The following SGCZ variants were observed in gnomAD, a reference collection of about 807,000 sequenced individuals.
SGCZ encodes zeta-sarcoglycan.
Under a neutral mutation model 41.3 loss-of-function variants are expected in SGCZ, and 40 were observed. The ratio of observed to expected loss-of-function variants is 0.97; its 90% CI spans 0.75 to 1.26. The LOEUF is 1.26. Ranked by LOEUF, SGCZ falls within the 50% of genes most tolerant of loss-of-function variation. The pLI is 0.00. For missense variants in SGCZ, 552 were observed against 369.8 expected (o/e 1.49, Z -4.04); for synonymous variants, 206 against 137.5 (o/e 1.50, Z -3.49).
intron 4 of SGCZ, among the ~76,000 whole-genome samples, chr8:14,204,408 G>A: frequency 6.6e-6 from 1 of 151,964 alleles, no homozygotes; most frequent in East Asian, 1.9e-4. Flanking sequence ...TATTTGAGCA[G>A]CTCAGGTCTA....
At chr8:14,619,989 C>G (rs1322960190) in intron 1 of SGCZ, among the ~76,000 whole-genome samples, 1 of 152,194 alleles carries the variant, frequency 6.6e-6, no homozygotes, top group South Asian at 2.1e-4. Flanking sequence ...CAAGACAATC[C>G]TAAGCCAAAA....
chr8:14,593,055 C>T lies in SGCZ; in HGVS notation c.40-38129G>A, dbSNP rs550416080. 2.0e-4 allele frequency among the ~76,000 whole-genome samples: 30 copies of T among 152,202 alleles called. No individual in the cohort carries two copies. The East Asian group carries it at 4.1e-3, about 21-fold the overall frequency. On this transcript the variant is annotated intron_variant, in intron 1 of 7. Coordinates refer to ENST00000382080, the MANE Select transcript of SGCZ (RefSeq NM_139167.4). ...TGTCAAATAATATCAACCACACCTGCCCTGGTGTGGTCAGGTGAATAATGC... is the reference window on the plus strand; with the variant it reads ...TGTCAAATAATATCAACCACACCTGTCCTGGTGTGGTCAGGTGAATAATGC...
intron 1 of SGCZ, among the ~76,000 whole-genome samples, chr8:14,670,712 C>A (rs1432842265): frequency 2.0e-5 from 3 of 152,120 alleles, no homozygotes; most frequent in African/African-American, 4.8e-5. Flanking sequence ...AAGCTGTTTG[C>A]ATATTTTGAC....
At chr8:14,736,372 T>A (rs1310431853) in intron 1 of SGCZ, among the ~76,000 whole-genome samples, 2 of 152,190 alleles carry the variant, frequency 1.3e-5, no homozygotes, top group African/African-American at 4.8e-5. Flanking sequence ...TTTTTATTAG[T>A]CGTTAGTTGT....
chr8:14,807,091 G>C (rs1420665160), intron 1 of SGCZ, among the ~76,000 whole-genome samples: 2 of 151,990 alleles, frequency 1.3e-5, no homozygotes, highest in East Asian at 1.9e-4. Context: ...AAAATAATAA[G>C]AGCTATCTAT....
At chr8:15,001,990 G>A (rs971451769) in intron 1 of SGCZ, among the ~76,000 whole-genome samples, 2 of 152,068 alleles carry the variant, frequency 1.3e-5, no homozygotes, top group African/African-American at 4.8e-5. Flanking sequence ...AGAATTCTGC[G>A]TGCTTGAGGA....
At chr8:14,371,383 C>T (rs1343701489) in intron 2 of SGCZ, among the ~76,000 whole-genome samples, 1 of 152,044 alleles carries the variant, frequency 6.6e-6, no homozygotes, top group African/African-American at 2.4e-5. Flanking sequence ...TAAGTGATAA[C>T]ATTTTCCGGT....
chr8:15,078,550 T>C (rs184394085), intron 1 of SGCZ, among the ~76,000 whole-genome samples: 126 of 152,174 alleles, frequency 8.3e-4, no homozygotes, highest in Admixed American at 1.2e-3. Flanking sequence ...TACCACAGGT[T>C]AGATTTTACA....
At chr8:15,097,833 T>C (rs1338109074) in intron 1 of SGCZ, among the ~76,000 whole-genome samples, 3 of 48,360 alleles carry the variant, frequency 6.2e-5, no homozygotes, top group African/African-American at 7.7e-5. Flanking sequence ...TATATATATA[T>C]ACGTGTGTGT....
intron 1 of SGCZ, among the ~76,000 whole-genome samples, chr8:15,176,805 T>A (rs912013088): frequency 6.6e-6 from 1 of 152,090 alleles, no homozygotes; most frequent in African/African-American, 2.4e-5. Flanking sequence ...ATCGAGACCA[T>A]CCTGGCTAAC....
At chr8:14,859,985 T>C (rs960333987) in intron 1 of SGCZ, among the ~76,000 whole-genome samples, 1 of 152,144 alleles carries the variant, frequency 6.6e-6, no homozygotes, top group Non-Finnish European at 1.5e-5. Context: ...TCAAATTATG[T>C]GCTAGGAAAG....
chr8:14,154,943 T>C (rs989840028), intron 5 of SGCZ, among the ~76,000 whole-genome samples: 2 of 152,198 alleles, frequency 1.3e-5, no homozygotes, highest in Admixed American at 1.3e-4. Context: ...GTCTCAGCTG[T>C]CGCCCAGTGG....
chr8:15,015,004 G>A (rs146500673), intron 1 of SGCZ, among the ~76,000 whole-genome samples: 38 of 152,352 alleles, frequency 2.5e-4, no homozygotes, highest in African/African-American at 8.7e-4. Flanking sequence ...CACTTTGGGA[G>A]GCCAAGGCGG....
chr8:14,261,798 G>A (rs1219544434), intron 3 of SGCZ, among the ~76,000 whole-genome samples: 1 of 152,040 alleles, frequency 6.6e-6, no homozygotes, highest in African/African-American at 2.4e-5. Flanking sequence ...ATTAGGGTAT[G>A]GACTAACTCT....
chr8:14,237,338 G>A (rs1563203451), intron 4 of SGCZ, among the ~76,000 whole-genome samples: 1 of 152,118 alleles, frequency 6.6e-6, no homozygotes, highest in East Asian at 1.9e-4. Context: ...GTTGAGTTAT[G>A]TATCAGGGAA....
chr8:14,964,119 G>T (rs1290585646), intron 1 of SGCZ, among the ~76,000 whole-genome samples: 1 of 152,152 alleles, frequency 6.6e-6, no homozygotes, highest in Non-Finnish European at 1.5e-5. Flanking sequence ...GGAAAGGTTT[G>T]CTTTAGTTAA....
chr8:14,361,981 A>T (rs532513195), intron 2 of SGCZ, among the ~76,000 whole-genome samples: 1 of 152,316 alleles, frequency 6.6e-6, no homozygotes, highest in African/African-American at 2.4e-5. Context: ...GGTCAACTCC[A>T]GACCCTGCTT....
chr8:14,622,068 T>A (rs1481469665), intron 1 of SGCZ, among the ~76,000 whole-genome samples: 2 of 151,986 alleles, frequency 1.3e-5, no homozygotes, highest in Non-Finnish European at 2.9e-5. Context: ...CTAGATGAGG[T>A]CATCAGATAA....
chr8:14,603,878 C>A (rs1805667383), intron 1 of SGCZ, among the ~76,000 whole-genome samples: 1 of 152,068 alleles, frequency 6.6e-6, no homozygotes, highest in South Asian at 2.1e-4. Context: ...GCTAAGTATT[C>A]AAAAACAATA....
Sources: allele counts gnomAD v4.1 joint callset (sites outside exome capture counted in the v4.1 genomes callset), GRCh38; gene constraint gnomAD v4.1.1; transcripts MANE v1.5; gene names NCBI Gene and HGNC (gene_info 2026-07-23, HGNC 2026-07-21).